The following ANTXR2 variants were observed in gnomAD, a reference collection of about 807,000 sequenced individuals.
The protein encoded by ANTXR2 is anthrax toxin receptor 2.
A neutral mutation model predicts 73.7 loss-of-function variants in ANTXR2; 44 were observed. The ratio of observed to expected loss-of-function variants is 0.60; its 90% CI spans 0.47 to 0.77. ANTXR2 has a LOEUF of 0.77. Ranked by LOEUF, ANTXR2 falls within the 30% of genes least tolerant of loss-of-function variation. ANTXR2 has a pLI of 0.00. For synonymous variants in ANTXR2, 217 were observed against 205.9 expected (o/e 1.05, Z -0.46); for missense variants, 604 against 592.5 (o/e 1.02, Z -0.20).
intron 7 of ANTXR2, 56 bp from the exon 8 acceptor site, chr4:80,036,088 A>ATTATAAGATTATAAGATT: frequency 7.3e-7 from 1 of 1,360,966 alleles, no homozygotes; most frequent in Non-Finnish European, 9.9e-7. Context: ...TTACAATGTG[A>ATTATAAGATTATAAGATT]AGTAAATTAT....
chr4:80,064,990 T>C (rs1734430834), intron 3 of ANTXR2, among the ~76,000 whole-genome samples: 1 of 152,236 alleles, frequency 6.6e-6, no homozygotes, highest in South Asian at 2.1e-4. Context: ...TGTGTGTGCT[T>C]GGACAAGCCG....
At chr4:80,070,791 A>G (rs1734751630) in intron 2 of ANTXR2, among the ~76,000 whole-genome samples, 1 of 152,176 alleles carries the variant, frequency 6.6e-6, no homozygotes, top group East Asian at 1.9e-4. Context: ...GAAAGAAGCA[A>G]TATTTAATGA....
At chr4:80,017,646 A>G (rs1731938509) in intron 11 of ANTXR2, among the ~76,000 whole-genome samples, 1 of 152,212 alleles carries the variant, frequency 6.6e-6, no homozygotes, top group African/African-American at 2.4e-5. Flanking sequence ...CATGGAAGAA[A>G]GGAAGAAAAA....
At chr4:80,021,425 G>A (rs1013375254) in intron 10 of ANTXR2, among the ~76,000 whole-genome samples, 1 of 151,994 alleles carries the variant, frequency 6.6e-6, no homozygotes, top group Admixed American at 6.5e-5. Context: ...CATCTGACAT[G>A]TTGGCATGGT....
At chr4:80,017,987 C>T (rs950626635) in intron 11 of ANTXR2, among the ~76,000 whole-genome samples, 1 of 152,166 alleles carries the variant, frequency 6.6e-6, no homozygotes, top group African/African-American at 2.4e-5. Flanking sequence ...GAAGCATTGT[C>T]TTAAAATGAG....
intron 12 of ANTXR2, among the ~76,000 whole-genome samples, chr4:79,990,658 A>G (rs1730425268): frequency 6.6e-6 from 1 of 152,184 alleles, no homozygotes; most frequent in African/African-American, 2.4e-5. Context: ...GAACCAGAAG[A>G]GAACCTGAAT....
intron 16 of ANTXR2, among the ~76,000 whole-genome samples, chr4:79,915,837 T>C (rs201997737): frequency 6.9e-5 from 4 of 58,326 alleles, no homozygotes; most frequent in East Asian, 3.2e-3. Context: ...TCCCTCTCTC[T>C]CTCTCTCTCT....
At position 80,037,983 on chromosome 4, in the gene ANTXR2, T is replaced by C. The variant is rs111761265; in HGVS notation, c.637-1951A>G. Among the ~76,000 whole-genome samples, 1,110 of 152,250 alleles carry C rather than the reference T, an allele frequency of 7.3e-3. 10 individuals are homozygous for C. Among genetic ancestry groups the C allele is most frequent in the African/African-American group, 0.025 (1,043 of 41,560 alleles). On this transcript the variant is annotated intron_variant, in intron 7 of 16. Transcript: ENST00000403729. ...AAACAGATCTTATTAAGGAGACTAA[T>C]TGCATCTTTCAGTTTATAATCTCTT...
rs1726926181 is a variant in ANTXR2, at chr4:79,906,709, T to TTTA, written c.*719_*720insTAA. 6.6e-6 allele frequency: 1 copy of TTTA among 152,636 alleles called. No homozygotes were observed. Among genetic ancestry groups the TTTA allele is most frequent in the African/African-American group, 2.4e-5 (1 of 41,458 alleles). 9.5% of individuals were successfully genotyped at this position (152,636 alleles called of 1,614,324 possible). A position where few individuals can be genotyped will look rare whatever the true frequency, so the allele number is the denominator to read the frequency against. On this transcript the variant is annotated 3_prime_UTR_variant, in exon 17 of 17. Coordinates refer to ENST00000403729, the MANE Select transcript of ANTXR2 (RefSeq NM_058172.6). Reference sequence around the variant, plus strand: ...GGCCTTCTGTGGAATAACGCTCTATTAATTTTCTTGTCCCGAGTGCATAAT... The same window carrying TTTA: ...GGCCTTCTGTGGAATAACGCTCTATTTTAAATTTTCTTGTCCCGAGTGCATAAT...
intron 9 of ANTXR2, among the ~76,000 whole-genome samples, chr4:80,032,104 C>A (rs1220871343): frequency 6.6e-6 from 1 of 151,618 alleles, no homozygotes; most frequent in East Asian, 1.9e-4. Context: ...TTTAATAAAA[C>A]ATTTGTCTAC....
chr4:80,032,498 A>C (rs1479249125), intron 9 of ANTXR2, among the ~76,000 whole-genome samples: 1 of 151,848 alleles, frequency 6.6e-6, no homozygotes, highest in Non-Finnish European at 1.5e-5. Flanking sequence ...TTAATAGAAA[A>C]GAGAGGAATT....
chr4:79,993,921 T>C (rs1730605279), intron 12 of ANTXR2, among the ~76,000 whole-genome samples: 1 of 151,904 alleles, frequency 6.6e-6, no homozygotes, highest in Non-Finnish European at 1.5e-5. Flanking sequence ...TATCTGGTTA[T>C]CTTGGTCAGT....
chr4:80,030,637 A>G (rs1055004514), intron 10 of ANTXR2, among the ~76,000 whole-genome samples: 2 of 152,138 alleles, frequency 1.3e-5, no homozygotes, highest in Admixed American at 6.6e-5. Context: ...ATTTACTTGC[A>G]TGACCAAAAG....
chr4:79,998,498 C>G (rs143072144), intron 12 of ANTXR2, among the ~76,000 whole-genome samples: 1 of 152,100 alleles, frequency 6.6e-6, no homozygotes, highest in East Asian at 1.9e-4. Flanking sequence ...CCAAACTATG[C>G]AACTATAGGA....
chr4:79,977,502 C>T (rs1053380699), intron 16 of ANTXR2, 119 bp downstream of exon 16: 1 of 1,485,312 alleles, frequency 6.7e-7, no homozygotes, highest in African/African-American at 1.4e-5. Context: ...CTACACTTGA[C>T]AGTATTTCCT....
chr4:79,934,297 T>A (rs1728175100), intron 16 of ANTXR2, among the ~76,000 whole-genome samples: 1 of 152,022 alleles, frequency 6.6e-6, no homozygotes, highest in Non-Finnish European at 1.5e-5. Context: ...GTGGGGGCAA[T>A]GTGGGCAAAT....
chr4:79,976,485 C>T (rs1729642779), intron 16 of ANTXR2, among the ~76,000 whole-genome samples: 1 of 150,278 alleles, frequency 6.7e-6, no homozygotes, highest in African/African-American at 2.5e-5. Context: ...AAGTTACCAC[C>T]ACTTTCCATG....
chr4:79,920,079 T>C (rs946591723), intron 16 of ANTXR2, among the ~76,000 whole-genome samples: 19 of 151,604 alleles, frequency 1.3e-4, no homozygotes, highest in South Asian at 2.1e-4. Context: ...ACCATTTTTT[T>C]CCCAAAACTA....
intron 10 of ANTXR2, among the ~76,000 whole-genome samples, chr4:80,025,825 A>G (rs910943313): frequency 1.3e-5 from 2 of 152,140 alleles, no homozygotes; most frequent in African/African-American, 2.4e-5. Context: ...GCATATCTCA[A>G]TATGTGTAAT....
Sources: allele counts gnomAD v4.1 joint callset (sites outside exome capture counted in the v4.1 genomes callset), GRCh38; gene constraint gnomAD v4.1.1; transcripts MANE v1.5; gene names NCBI Gene and HGNC (gene_info 2026-07-23, HGNC 2026-07-21).